Variants in DLG2 observed in about 807,000 individuals in gnomAD.
DLG2 encodes disks large homolog 2.
DLG2 carries 45 observed loss-of-function variants against 132.5 expected under a neutral mutation model. That is an observed-to-expected ratio of 0.34 (90% CI 0.27 to 0.44). The LOEUF (loss-of-function observed/expected upper bound fraction) is 0.44, where lower values mean the gene tolerates loss of function less well. Among genes scored for constraint, DLG2 ranks in the 20% least tolerant of loss-of-function variants. The probability of loss-of-function intolerance (pLI) is 1.00; values close to 1 mark genes in which losing one functional copy is unlikely to be tolerated. For synonymous variants in DLG2, 424 were observed against 419.6 expected, an observed-to-expected ratio of 1.01 and a Z score of -0.13; for missense variants, 1,045 against 1,196.9, an observed-to-expected ratio of 0.87 and a Z score of 1.87.
chr11:84,770,109 T>G (rs1395165438), intron 6 of DLG2, among the ~76,000 whole-genome samples: 1 of 152,144 alleles, frequency 6.6e-6, no homozygotes, highest in Non-Finnish European at 1.5e-5. Context: ...AAGTGAGTTC[T>G]TGCAAGATCT....
chr11:85,339,205 C>G (rs926944861), intron 3 of DLG2, among the ~76,000 whole-genome samples: 2 of 152,142 alleles, frequency 1.3e-5, no homozygotes, highest in African/African-American at 4.8e-5. Context: ...TCTTTCTTAA[C>G]AGATGTACAG....
chr11:83,708,766 T>A (rs1401890804), intron 18 of DLG2, among the ~76,000 whole-genome samples: 1 of 152,136 alleles, frequency 6.6e-6, no homozygotes. Flanking sequence ...TCCTTTTTTT[T>A]AATGGGATAT....
intron 9 of DLG2, among the ~76,000 whole-genome samples, chr11:84,142,319 CAAAA>C (rs71066094): frequency 4.6e-5 from 4 of 86,888 alleles, no homozygotes; most frequent in African/African-American, 4.4e-5. Context: ...GAATCCATCT[CAAAA>C]AAAAAAAAAA....
chr11:83,748,883 T>C (rs2093108429), intron 18 of DLG2, among the ~76,000 whole-genome samples: 1 of 152,232 alleles, frequency 6.6e-6, no homozygotes, highest in African/African-American at 2.4e-5. Flanking sequence ...CAAGCTTTTT[T>C]TGCCATTTGA....
chr11:85,064,211 C>T (rs1221495876), intron 6 of DLG2, among the ~76,000 whole-genome samples: 1 of 151,750 alleles, frequency 6.6e-6, no homozygotes, highest in Non-Finnish European at 1.5e-5. Context: ...GTGAAGAAAC[C>T]ATGCTATCAC....
intron 18 of DLG2, among the ~76,000 whole-genome samples, chr11:83,701,036 C>T (rs1271866418): frequency 2.0e-5 from 3 of 152,092 alleles, no homozygotes; most frequent in East Asian, 3.9e-4. Flanking sequence ...TTTGGGAAAT[C>T]GCACACAACA....
At chr11:84,805,972 G>T (rs2075951272) in intron 6 of DLG2, among the ~76,000 whole-genome samples, 1 of 151,978 alleles carries the variant, frequency 6.6e-6, no homozygotes, top group Non-Finnish European at 1.5e-5. Flanking sequence ...AAGAAAGAAA[G>T]TTTCAATAAA....
At chr11:84,621,036 G>T (rs1403157047) in intron 6 of DLG2, among the ~76,000 whole-genome samples, 2 of 152,012 alleles carry the variant, frequency 1.3e-5, no homozygotes, top group Admixed American at 1.3e-4. Flanking sequence ...GCAACAATGG[G>T]GATGACTTTT....
chr11:83,563,728 C>A (rs2096654679), intron 19 of DLG2, among the ~76,000 whole-genome samples: 1 of 152,078 alleles, frequency 6.6e-6, no homozygotes, highest in South Asian at 2.1e-4. Context: ...AAATTAAAGC[C>A]TAGATAGGTG....
intron 7 of DLG2, among the ~76,000 whole-genome samples, chr11:84,364,800 T>C (rs1840989999): frequency 6.6e-6 from 1 of 152,224 alleles, no homozygotes; most frequent in African/African-American, 2.4e-5. Context: ...TCCGTTTATA[T>C]GCTGGATTAC....
intron 21 of DLG2, among the ~76,000 whole-genome samples, chr11:83,507,469 CTATA>C (rs34462557): frequency 7.0e-6 from 1 of 142,274 alleles, no homozygotes. Context: ...TATATATACC[CTATA>C]TATATATATC....
chr11:83,593,253 A>G (rs1480657430), intron 19 of DLG2, among the ~76,000 whole-genome samples: 1 of 148,524 alleles, frequency 6.7e-6, no homozygotes, highest in Non-Finnish European at 1.5e-5. Context: ...CCAAATGTCC[A>G]ACAATGATAG....
chr11:83,530,478 A>T (rs899655848), intron 21 of DLG2, among the ~76,000 whole-genome samples: 6 of 151,924 alleles, frequency 3.9e-5, no homozygotes, highest in African/African-American at 1.4e-4. Context: ...TGATATTCAC[A>T]AGCTACAATT....
chr11:85,591,898 A>G (rs1013563843), intron 3 of DLG2, among the ~76,000 whole-genome samples: 1 of 152,250 alleles, frequency 6.6e-6, no homozygotes, highest in Non-Finnish European at 1.5e-5. Flanking sequence ...AAAGTGTTCA[A>G]TAAATATCCT....
At chr11:84,572,408 T>G (rs571357549) in intron 6 of DLG2, among the ~76,000 whole-genome samples, 53 of 152,216 alleles carry the variant, frequency 3.5e-4, no homozygotes, top group African/African-American at 1.2e-3. Flanking sequence ...CTTCTCTCCT[T>G]CTTGGGACAG....
intron 7 of DLG2, among the ~76,000 whole-genome samples, chr11:84,532,728 A>T (rs1357716256): frequency 1.3e-5 from 2 of 152,270 alleles, no homozygotes; most frequent in Non-Finnish European, 2.9e-5. Flanking sequence ...AAGTCCTGGG[A>T]TCAGCGGTCC....
At chr11:83,493,614 T>C (rs1003313689) in intron 21 of DLG2, among the ~76,000 whole-genome samples, 1 of 152,134 alleles carries the variant, frequency 6.6e-6, no homozygotes, top group Non-Finnish European at 1.5e-5. Context: ...CATTCTGGCC[T>C]TTATTGCTCT....
At position 83,724,773 on chromosome 11, in the gene DLG2, C is replaced by T. The variant is rs570500033; in HGVS notation, c.1825+61917G>A. ...GAAGGAAAGGGAGGAGAATCTGCTG[C>T]CCTCTTTTCATTTTACTGGCCACAC... On this transcript the variant is annotated intron_variant, in intron 18 of 27. Coordinates refer to ENST00000376104, the MANE Select transcript of DLG2 (RefSeq NM_001142699.3). 4.4e-5 allele frequency: 30 copies of T among 687,592 alleles called. No individual in the cohort carries two copies. In the South Asian group the frequency reaches 4.4e-4, roughly 10 times the overall value. The allele number at this position is 687,592 out of a possible 1,614,324, so 42.6% of individuals were successfully genotyped here.
At chr11:85,153,182 C>G (rs1185697865) in intron 5 of DLG2, among the ~76,000 whole-genome samples, 4 of 152,140 alleles carry the variant, frequency 2.6e-5, no homozygotes, top group Admixed American at 2.0e-4. Context: ...GGTCACATGA[C>G]TAATTTGTGA....
Sources: gnomAD v4.1 joint callset for allele counts (sites outside exome capture counted in the v4.1 genomes callset) on GRCh38, gnomAD v4.1.1 for gene constraint, MANE v1.5 for transcripts, NCBI Gene and HGNC (gene_info 2026-07-23, HGNC 2026-07-21) for gene names.